EPGN: variants seen among roughly 807,000 people sequenced by gnomAD.
The protein encoded by EPGN is epigen.
Under a neutral mutation model 20.7 loss-of-function variants are expected in EPGN, and 21 were observed. The observed-to-expected ratio is 1.01, with a 90% confidence interval of 0.72 to 1.46. The LOEUF (loss-of-function observed/expected upper bound fraction) is 1.46. EPGN is among the 40% of genes most tolerant of loss of function. EPGN has a pLI of 0.00. For synonymous variants in EPGN, 69 were observed against 63.8 expected, an observed-to-expected ratio of 1.08 and a Z score of -0.39; for missense variants, 199 against 180.7, an observed-to-expected ratio of 1.10 and a Z score of -0.58.
At chr4:74,313,351 G>T in intron 4 of EPGN, 181 bp downstream of exon 4, 1 of 1,391,020 alleles carries the variant, frequency 7.2e-7, no homozygotes. Context: ...CCAGACGAGT[G>T]GTAAAAATTT....
intron 2 of EPGN, among the ~76,000 whole-genome samples, chr4:74,311,217 G>A (rs911031471): frequency 6.6e-6 from 1 of 151,822 alleles, no homozygotes; most frequent in Non-Finnish European, 1.5e-5. Flanking sequence ...TTAGTTAATC[G>A]AACTTGTTTA....
At position 74,314,903 on chromosome 4, in the gene EPGN, A is replaced by G; in HGVS notation, c.*266A>G. 1 of 476,842 alleles carries G rather than the reference A, an allele frequency of 2.1e-6. No individual in the cohort carries two copies. Among genetic ancestry groups the G allele is most frequent in the Non-Finnish European group, 3.7e-6 (1 of 267,592 alleles). The allele number at this position is 476,842 out of a possible 1,614,324, so 29.5% of individuals were successfully genotyped here. On this transcript the variant is annotated 3_prime_UTR_variant, in exon 5 of 5. Coordinates refer to ENST00000413830, the MANE Select transcript of EPGN (RefSeq NM_001270989.2). The stretch of plus-strand genomic sequence containing the variant: ...CTGGGTTTTTTGTTGTTGTGTGGTT[A>G]TTATTCTCACTACAGAAAGACTGAG...
chr4:74,309,185 A>G lies in EPGN; in HGVS notation c.133+3A>G, dbSNP rs1230253530. 1.9e-6 allele frequency: 3 copies of G among 1,609,640 alleles called. No homozygotes were observed. The highest frequency in any genetic ancestry group is 2.5e-6 in the Non-Finnish European group (3 of 1,177,488). On this transcript the variant is annotated splice_donor_region_variant and intron_variant, in intron 2 of 4. Coordinates refer to ENST00000413830, the MANE Select transcript of EPGN (RefSeq NM_001270989.2). ...CTGGACAGTTAACAAAACAGAAGGT[A>G]TTTTCTTCCCATTTTCATATTTCAC...
intron 2 of EPGN, 59 bp downstream of exon 2, chr4:74,309,241 T>C: frequency 1.4e-6 from 2 of 1,458,058 alleles, no homozygotes; most frequent in Non-Finnish European, 1.9e-6. Flanking sequence ...GAGAGAAATT[T>C]GGATTGTGAT....
At position 74,312,196 on chromosome 4, in the gene EPGN, G is replaced by A; in HGVS notation, c.145G>A (p.Glu49Lys). The change falls in exon 3 of 5, where the codon GAA (glutamate) becomes AAA (lysine). Residue 49 changes from glutamate to lysine, a missense_variant. Coordinates refer to ENST00000413830, the MANE Select transcript of EPGN (RefSeq NM_001270989.2). ...TVNKTEADNI[E>K]GPIALKFSHL... Reference sequence around the variant, plus strand: ...TCTCCTTTTCCTAGCTGACAACATAGAAGGACCCATAGCCTTGAAGTTCTC... The same window carrying A: ...TCTCCTTTTCCTAGCTGACAACATAAAAGGACCCATAGCCTTGAAGTTCTC... The A allele has an allele frequency of 2.5e-6, 4 of 1,606,320 alleles. No homozygotes were observed. Among genetic ancestry groups the A allele is most frequent in the Non-Finnish European group, 3.4e-6 (4 of 1,177,180 alleles).
At chr4:74,314,503 A>G (rs751292496) in intron 4 of EPGN, 77 bp from the exon 5 acceptor site, 66 of 1,399,064 alleles carry the variant, frequency 4.7e-5, no homozygotes, top group Non-Finnish European at 6.3e-5. Flanking sequence ...CAACTGCTGC[A>G]GGGTGCATTT....
chr4:74,313,712 A>C (rs1751116719), intron 4 of EPGN: 1 of 765,792 alleles, frequency 1.3e-6, no homozygotes, highest in Non-Finnish European at 1.6e-6. Flanking sequence ...AATTATTTAC[A>C]TATTCATTCT....
At chr4:74,308,719 T>C in intron 1 of EPGN, 143 bp downstream of exon 1, 1 of 672,218 alleles carries the variant, frequency 1.5e-6, no homozygotes, top group Non-Finnish European at 2.4e-6. Flanking sequence ...TGGATTAATT[T>C]AGTTTCTTAT....
rs1463134354 is a variant in EPGN at position 74,314,927 on chromosome 4, A to AG, written c.*291dup. On this transcript the variant is annotated 3_prime_UTR_variant, in exon 5 of 5. Coordinates refer to ENST00000413830, the MANE Select transcript of EPGN (RefSeq NM_001270989.2). ...TATTATTCTCACTACAGAAAGACTG[A>AG]GTTTCATGCTCCTGGCTATGTCAGA... 2.5e-6 allele frequency: 1 copy of AG among 405,194 alleles called. No individual in the cohort carries two copies. The highest frequency in any genetic ancestry group is 4.9e-5 in the East Asian group (1 of 20,420). The allele number at this position is 405,194 out of a possible 1,614,324, so 25.1% of individuals were successfully genotyped here.
At chr4:74,310,933 T>C (rs2110350745) in intron 2 of EPGN, among the ~76,000 whole-genome samples, 1 of 152,308 alleles carries the variant, frequency 6.6e-6, no homozygotes, top group Admixed American at 6.5e-5. Context: ...ATATTTTCCC[T>C]ATGAGGTTGG....
At chr4:74,313,700 G>A (rs1578790493) in intron 4 of EPGN, 4 of 808,622 alleles carry the variant, frequency 4.9e-6, no homozygotes, top group Middle Eastern at 6.3e-4. Flanking sequence ...ACAAATAATT[G>A]TAATTATTTA....
At chr4:74,312,437 G>A in intron 3 of EPGN, 132 bp downstream of exon 3, 2 of 967,244 alleles carry the variant, frequency 2.1e-6, no homozygotes, top group East Asian at 2.7e-5. Flanking sequence ...GACTTGACAG[G>A]CCTCTACATA....
In EPGN at chr4:74,312,077, C is replaced by A. The variant is rs1750992039; in HGVS notation, c.134-108C>A. 5 of 1,278,978 alleles carry A rather than the reference C, an allele frequency of 3.9e-6. No individual in the cohort carries two copies. In the East Asian group the frequency reaches 7.8e-5, roughly 20 times the overall value. 79.2% of individuals were successfully genotyped at this position (1,278,978 alleles called of 1,614,324 possible). On this transcript the variant is annotated intron_variant, in intron 2 of 4. Coordinates refer to ENST00000413830, the MANE Select transcript of EPGN (RefSeq NM_001270989.2). Reference sequence around the variant, plus strand: ...AATCAATAGTTTAAAGGACACAGCACCACCCCCAAATATCCTTAAAATTAA... The same window carrying A: ...AATCAATAGTTTAAAGGACACAGCAACACCCCCAAATATCCTTAAAATTAA...
At chr4:74,308,628 T>G in intron 1 of EPGN, 52 bp downstream of exon 1, 1 of 1,482,722 alleles carries the variant, frequency 6.7e-7, no homozygotes, top group Non-Finnish European at 9.3e-7. Flanking sequence ...AAAATGTGAA[T>G]AGAATTTATT....
rs1751296896 is a variant in EPGN at position 74,316,748 on chromosome 4, G to A, written c.*2111G>A. Among the ~76,000 whole-genome samples the A allele has an allele frequency of 6.6e-6, 1 of 152,152 alleles. No homozygotes were observed. The highest frequency in any genetic ancestry group is 6.5e-5 in the Admixed American group (1 of 15,278). On this transcript the variant is annotated 3_prime_UTR_variant, in exon 5 of 5. Coordinates refer to ENST00000413830, the MANE Select transcript of EPGN (RefSeq NM_001270989.2). ...GTATGGGAAGAAACAATACAGGATT[G>A]CCTTTAATTAATTAAGAATTGCCTC...
intron 2 of EPGN, 44 bp from the exon 3 acceptor site, chr4:74,312,141 G>A (rs948304592): frequency 1.3e-6 from 2 of 1,556,452 alleles, no homozygotes; most frequent in African/African-American, 2.8e-5. Flanking sequence ...TACCATAAAA[G>A]TAAGACACAT....
chr4:74,312,263 G>T lies in EPGN; in HGVS notation c.212G>T (p.Gly71Val). The stretch of plus-strand genomic sequence containing the variant: ...GATCATAACAGTTACTGCATCAACG[G>T]TGCTTGTGCATTCCACCATGAGCTA... The part of the protein sequence containing the change: ...LEDHNSYCIN[G>V]ACAFHHELEK... Residue 71 changes from glycine to valine, a missense_variant, in exon 3 of 5, where the codon GGT becomes GTT. By Grantham distance (109) the Gly-to-Val change is moderately radical (BLOSUM62 -3). Transcript: ENST00000413830. 2 of 1,613,198 alleles carry T rather than the reference G, an allele frequency of 1.2e-6. No individual in the cohort carries two copies. Among genetic ancestry groups the T allele is most frequent in the South Asian group, 2.2e-5 (2 of 90,930 alleles).
chr4:74,309,016 A>C, intron 1 of EPGN, 77 bp from the exon 2 acceptor site: 1 of 1,081,774 alleles, frequency 9.2e-7, no homozygotes, highest in Non-Finnish European at 1.4e-6. Flanking sequence ...AATAAACAGA[A>C]TAAGAATACT....
Position 74,309,082 on chromosome 4 carries a change from C to T in EPGN, c.44-11C>T. On this transcript the variant is annotated splice_polypyrimidine_tract_variant and intron_variant, in intron 1 of 4. Transcript: ENST00000413830. ...CTCTCTGTTAAAGATGCTTTTGCCCCCTTAATACAGCAATGACAGCACTGA... is the reference window on the plus strand; with the variant it reads ...CTCTCTGTTAAAGATGCTTTTGCCCTCTTAATACAGCAATGACAGCACTGA... The T allele has an allele frequency of 6.2e-7, 1 of 1,609,610 alleles. No individual in the cohort carries two copies. Among genetic ancestry groups the T allele is most frequent in the Non-Finnish European group, 8.5e-7 (1 of 1,176,958 alleles).
Sources: allele counts gnomAD v4.1 joint callset (sites outside exome capture counted in the v4.1 genomes callset), GRCh38; gene constraint gnomAD v4.1.1; transcripts MANE v1.5; gene names NCBI Gene and HGNC (gene_info 2026-07-23, HGNC 2026-07-21).